PRKCH: variants seen among roughly 807,000 people sequenced by gnomAD.
PRKCH encodes protein kinase C eta.
In PRKCH, 28 loss-of-function variants were observed where a neutral mutation model predicts 82.5. The ratio of observed to expected loss-of-function variants is 0.34; its 90% CI spans 0.25 to 0.47. The LOEUF is 0.47. PRKCH is among the 20% of genes least tolerant of loss of function. The pLI is 1.00. For synonymous variants in PRKCH, 322 were observed against 327.4 expected (o/e 0.98, Z 0.18); for missense variants, 705 against 881.8 (o/e 0.80, Z 2.54).
chr14:61,282,005 T>C (rs2045274372), intron 1 of PRKCH, among the ~76,000 whole-genome samples: 2 of 141,174 alleles, frequency 1.4e-5, no homozygotes, highest in African/African-American at 5.2e-5. Context: ...AATCAAAGGC[T>C]GGAGAGGTTC....
chr14:61,330,893 GGAA>G (rs747646752), intron 1 of PRKCH, among the ~76,000 whole-genome samples: 3 of 152,050 alleles, frequency 2.0e-5, no homozygotes, highest in Non-Finnish European at 4.4e-5. Context: ...GGGCCACGTT[GGAA>G]GAAGAATTGT....
chr14:61,473,712 G>A (rs943566398), intron 9 of PRKCH, among the ~76,000 whole-genome samples: 16 of 152,194 alleles, frequency 1.1e-4, no homozygotes, highest in African/African-American at 3.9e-4. Flanking sequence ...AATCTTTCAG[G>A]CCAGGTGCAG....
At position 61,280,332 on chromosome 14, in the gene PRKCH, G is replaced by C; in HGVS notation, c.-19+92664G>C. ...CCCGCGGCAGCCCGGCCGAGTAGTT[G>C]CCCTGGCGGATGCGCGCGTACAGTT... On this transcript the variant is annotated intron_variant, in intron 1 of 3. Transcript: ENST00000555185. The surrounding 1 kb of genome is among the most constrained non-coding windows in gnomAD (Gnocchi z 5.0). 1 of 1,613,914 alleles carries C rather than the reference G, an allele frequency of 6.2e-7. No homozygotes were observed. The highest frequency in any genetic ancestry group is 1.6e-4 in the Middle Eastern group (1 of 6,062).
intron 1 of PRKCH, among the ~76,000 whole-genome samples, chr14:61,221,266 G>A (rs981092028): frequency 1.3e-5 from 2 of 152,126 alleles, no homozygotes; most frequent in Admixed American, 1.3e-4. Flanking sequence ...TTGCTTCATG[G>A]AACTTGTCTT....
At chr14:61,213,655 A>G (rs949486368) in intron 1 of PRKCH, among the ~76,000 whole-genome samples, 2 of 152,328 alleles carry the variant, frequency 1.3e-5, no homozygotes, top group South Asian at 4.1e-4. Context: ...GGGCAAAAAT[A>G]TCTTCTGGCC....
chr14:61,447,104 A>G (rs139990847), intron 4 of PRKCH, among the ~76,000 whole-genome samples: 1 of 152,228 alleles, frequency 6.6e-6, no homozygotes, highest in Non-Finnish European at 1.5e-5. Flanking sequence ...GCAAACTGGC[A>G]TAGGTATTTC....
At chr14:61,221,539 C>T (rs925373640) in intron 1 of PRKCH, among the ~76,000 whole-genome samples, 7 of 151,914 alleles carry the variant, frequency 4.6e-5, no homozygotes, top group African/African-American at 1.7e-4. Context: ...TTTGTCGTGA[C>T]AGCGATGGGG....
At chr14:61,304,924 A>AT (rs2045475600) in intron 1 of PRKCH, 1 of 151,354 alleles carries the variant, frequency 6.6e-6, no homozygotes, top group Admixed American at 6.6e-5. Flanking sequence ...GTCAACTGTG[A>AT]TTCATAGCAT....
At chr14:61,461,156 C>G (rs1885011653) in intron 9 of PRKCH, among the ~76,000 whole-genome samples, 1 of 152,180 alleles carries the variant, frequency 6.6e-6, no homozygotes, top group Non-Finnish European at 1.5e-5. Flanking sequence ...CTGCTCCTGC[C>G]CCCATCCTCT....
At chr14:61,479,538 T>C (rs2140322033) in intron 9 of PRKCH, among the ~76,000 whole-genome samples, 1 of 152,264 alleles carries the variant, frequency 6.6e-6, no homozygotes, top group East Asian at 1.9e-4. Flanking sequence ...TTTCCTTAGT[T>C]AGTATCATCT....
At chr14:61,544,284 T>C (rs574802669) in intron 12 of PRKCH, 2 of 152,292 alleles carry the variant, frequency 1.3e-5, no homozygotes, top group Admixed American at 6.5e-5. Flanking sequence ...GCCGTTTCTA[T>C]GAGAGGAGTG....
chr14:61,498,272 C>A (rs1446690860), intron 10 of PRKCH, among the ~76,000 whole-genome samples: 1 of 152,164 alleles, frequency 6.6e-6, no homozygotes, highest in African/African-American at 2.4e-5. Context: ...CTGGGCTTCA[C>A]AAAGTGCTGG....
At position 61,339,603 on chromosome 14, in the gene PRKCH, G is replaced by A. The variant is rs184327922; in HGVS notation, c.363+17139G>A. On this transcript the variant is annotated intron_variant, in intron 1 of 13. Transcript: ENST00000332981. ...CTCCCAAAGTGCTGGGATTACAGGCGTGAGCCACCAAGCCCGGCCTTTTTT... is the reference window on the plus strand; with the variant it reads ...CTCCCAAAGTGCTGGGATTACAGGCATGAGCCACCAAGCCCGGCCTTTTTT... Among the ~76,000 whole-genome samples the A allele has an allele frequency of 3.5e-3, 498 of 141,338 alleles. 4 individuals carry two copies. The highest frequency in any genetic ancestry group is 0.012 in the African/African-American group (448 of 38,682). 92.7% of individuals were successfully genotyped at this position (141,338 alleles called of 152,430 possible). A position where few individuals can be genotyped will look rare whatever the true frequency, so the allele number is the denominator to read the frequency against.
intron 1 of PRKCH, among the ~76,000 whole-genome samples, chr14:61,341,193 C>T (rs1237313592): frequency 6.6e-6 from 1 of 152,162 alleles, no homozygotes; most frequent in Non-Finnish European, 1.5e-5. Flanking sequence ...GCCCTGCCTT[C>T]CCCATTCCAT....
At chr14:61,375,021 C>A (rs1339800989) in intron 1 of PRKCH, among the ~76,000 whole-genome samples, 4 of 152,092 alleles carry the variant, frequency 2.6e-5, no homozygotes, top group Non-Finnish European at 5.9e-5. Flanking sequence ...CCTTTCTTCA[C>A]TCATATGAGT....
chr14:61,261,112 C>A lies in PRKCH; in HGVS notation c.-19+73444C>A, dbSNP rs368828980. Among the ~76,000 whole-genome samples, 20 of 152,266 alleles carry A rather than the reference C, an allele frequency of 1.3e-4. 1 individual carries two copies. Among genetic ancestry groups the A allele is most frequent in the South Asian group, 8.3e-4 (4 of 4,826 alleles). Reference sequence around the variant, plus strand: ...AATACCACCACCACCAACAAAAAAACCAAACAAACCAACAAACCCAGGGAT... The same window carrying A: ...AATACCACCACCACCAACAAAAAAAACAAACAAACCAACAAACCCAGGGAT... On this transcript the variant is annotated intron_variant, in intron 1 of 3. Coordinates refer to the PRKCH transcript ENST00000555185.
upstream of PRKCH, among the ~76,000 whole-genome samples, chr14:61,321,089 G>A (rs1447443036): frequency 6.6e-6 from 1 of 152,186 alleles, no homozygotes; most frequent in East Asian, 1.9e-4. The surrounding 1 kb of genome is among the most constrained non-coding windows in gnomAD (Gnocchi z 4.1). Flanking sequence ...TGCAGGAAAG[G>A]CGCACAAACA....
intron 10 of PRKCH, among the ~76,000 whole-genome samples, chr14:61,512,004 G>A (rs752275476): frequency 1.3e-4 from 20 of 152,118 alleles, no homozygotes; most frequent in Admixed American, 6.5e-5. Context: ...AATAATTCAT[G>A]TTTTTCAGAT....
chr14:61,224,719 C>A (rs2044683297), intron 1 of PRKCH, among the ~76,000 whole-genome samples: 1 of 152,132 alleles, frequency 6.6e-6, no homozygotes, highest in Non-Finnish European at 1.5e-5. Context: ...TTGTTGTGAA[C>A]CTTAATCACC....
Sources: allele counts gnomAD v4.1 joint callset (sites outside exome capture counted in the v4.1 genomes callset), GRCh38; gene constraint gnomAD v4.1.1; non-coding constraint Gnocchi (gnomAD v3.1); transcripts MANE v1.5; gene names NCBI Gene and HGNC (gene_info 2026-07-23, HGNC 2026-07-21).